The following CUBN variants were observed in gnomAD, a reference collection of about 807,000 sequenced individuals.
CUBN encodes the protein 460 kDa receptor.
A neutral mutation model predicts 405.3 loss-of-function variants in CUBN; 282 were observed. The ratio of observed to expected loss-of-function variants is 0.70; its 90% CI spans 0.63 to 0.77. CUBN has a LOEUF of 0.77. CUBN is among the 30% of genes least tolerant of loss of function. The pLI is 0.00. For synonymous variants in CUBN, 1,684 were observed against 1,617.0 expected (o/e 1.04, Z -0.99); for missense variants, 4,514 against 4,475.2 (o/e 1.01, Z -0.25).
chr10:17,071,481 T>C lies in CUBN; in HGVS notation c.2570A>G (p.Asn857Ser), dbSNP rs1835738071. ...HQPQSQVILL[N>S]FTVFEIGSSA... Reference sequence around the variant, plus strand: ...ACTTCCAATTTCAAAGACAGTGAAGTTGAGGAGAATGACTTGGCTTTGGGG... The same window carrying C: ...ACTTCCAATTTCAAAGACAGTGAAGCTGAGGAGAATGACTTGGCTTTGGGG... The change falls in exon 19 of 67, where the codon AAC becomes AGC. Residue 857 changes from asparagine (N) to serine (S), a missense_variant. By Grantham distance (46) the Asn-to-Ser change is conservative. Around this residue, in one of 5 missense-constraint regions of CUBN, gnomAD observed 1,448 missense variants for 1,388.0 expected, o/e 1.04. Transcript: ENST00000377833. 3 of 1,614,020 alleles carry C rather than the reference T, an allele frequency of 1.9e-6. No homozygotes were observed. The highest frequency in any genetic ancestry group is 2.5e-6 in the Non-Finnish European group (3 of 1,179,944).
At chr10:17,024,084 G>T (rs1242676222) in intron 27 of CUBN, among the ~76,000 whole-genome samples, 1 of 151,752 alleles carries the variant, frequency 6.6e-6, no homozygotes, top group Non-Finnish European at 1.5e-5. Context: ...CTTTGTGCGG[G>T]TTTGATAATT....
At chr10:16,874,241 G>A (rs1840439309) in intron 58 of CUBN, 133 bp downstream of exon 58, 1 of 973,804 alleles carries the variant, frequency 1.0e-6, no homozygotes. Context: ...TGTCATCTAG[G>A]AACATCACTC....
chr10:16,839,529 C>T (rs1171214200), intron 62 of CUBN, among the ~76,000 whole-genome samples: 1 of 129,812 alleles, frequency 7.7e-6, no homozygotes, highest in Non-Finnish European at 1.8e-5. Context: ...CCATCTCACA[C>T]CAGTTAGAAT....
intron 6 of CUBN, among the ~76,000 whole-genome samples, chr10:17,119,406 T>A (rs1468073844): frequency 1.3e-5 from 2 of 152,196 alleles, no homozygotes; most frequent in Admixed American, 6.5e-5. Flanking sequence ...ACGCCTGTAA[T>A]CCCAGCACTT....
chr10:16,870,205 T>G (rs572541629), intron 58 of CUBN, among the ~76,000 whole-genome samples: 1 of 152,356 alleles, frequency 6.6e-6, no homozygotes, highest in East Asian at 1.9e-4. Flanking sequence ...AGCAATACTT[T>G]AGTTTTTTAG....
At chr10:16,943,670 T>C (rs1335912596) in intron 36 of CUBN, among the ~76,000 whole-genome samples, 2 of 152,302 alleles carry the variant, frequency 1.3e-5, no homozygotes, top group Middle Eastern at 3.4e-3. Flanking sequence ...AAGTGCATAA[T>C]CCAGCAACAT....
chr10:17,107,347 G>A (rs1307494715), intron 10 of CUBN, among the ~76,000 whole-genome samples: 1 of 152,094 alleles, frequency 6.6e-6, no homozygotes, highest in Non-Finnish European at 1.5e-5. Flanking sequence ...ATAATACAAG[G>A]AAATCAATGT....
rs565623595 is a variant in CUBN at position 16,950,026 on chromosome 10, G to A, written c.5055C>T (p.Gly1685=). The change falls in exon 34 of 67, where the codon GGC becomes GGT. Residue 1685 remains glycine (G), a synonymous_variant. Transcript: ENST00000377833. ...CTCGGAGGGGCGCGTCTTCGTGGCC[G>A]CCATCCAAAATTTCTACAAAGTCAC... The part of the protein sequence containing the change: ...CARDFVEILD[G]GHEDAPLRGR... The A allele has an allele frequency of 3.5e-5, 57 of 1,613,744 alleles. 1 individual carries two copies. Among genetic ancestry groups the A allele is most frequent in the South Asian group, 3.5e-4 (32 of 91,014 alleles).
intron 54 of CUBN, among the ~76,000 whole-genome samples, chr10:16,896,069 G>A (rs894314625): frequency 6.6e-6 from 1 of 152,104 alleles, no homozygotes; most frequent in Non-Finnish European, 1.5e-5. Flanking sequence ...TGTGATTATA[G>A]TAGTCTACCA....
intron 60 of CUBN, among the ~76,000 whole-genome samples, chr10:16,848,690 C>CTTTTTTTTTTTGTTTTTTTTT (rs1839590624): frequency 1.9e-5 from 1 of 53,338 alleles, no homozygotes; most frequent in African/African-American, 5.9e-5. Context: ...CTCTCCCAGC[C>CTTTTTTTTTTTGTTTTTTTTT]TTTTTTTTTT....
At chr10:16,962,007 C>G (rs913888107) in intron 31 of CUBN, among the ~76,000 whole-genome samples, 1 of 152,128 alleles carries the variant, frequency 6.6e-6, no homozygotes, top group African/African-American at 2.4e-5. Context: ...CCATGGCGCC[C>G]GGCCGGAAAA....
At chr10:17,030,838 G>A (rs990152136) in intron 27 of CUBN, among the ~76,000 whole-genome samples, 5 of 152,070 alleles carry the variant, frequency 3.3e-5, no homozygotes, top group African/African-American at 1.2e-4. Context: ...AGAATCATTG[G>A]AACCCGGGAG....
At chr10:17,070,116 T>C (rs118004446) in intron 19 of CUBN, among the ~76,000 whole-genome samples, 3,134 of 152,268 alleles carry the variant, frequency 0.021, 63 homozygotes, top group South Asian at 0.067. Flanking sequence ...CACCATTTGT[T>C]GAAAAAATGA....
intron 60 of CUBN, 24 bp downstream of exon 60, chr10:16,851,211 G>A: frequency 3.8e-6 from 6 of 1,574,612 alleles, no homozygotes; most frequent in Non-Finnish European, 5.2e-6. Flanking sequence ...AATAGACTCT[G>A]TTAAAAAAAT....
At chr10:16,911,155 G>T (rs1841718881) in intron 48 of CUBN, among the ~76,000 whole-genome samples, 2 of 152,278 alleles carry the variant, frequency 1.3e-5, no homozygotes, top group Middle Eastern at 3.4e-3. Flanking sequence ...GGTGGAGAGG[G>T]TGTGGACGAA....
intron 36 of CUBN, among the ~76,000 whole-genome samples, chr10:16,943,012 C>T (rs1385891799): frequency 6.6e-5 from 10 of 152,192 alleles, no homozygotes; most frequent in Non-Finnish European, 7.4e-5. Context: ...GTATAGTGCT[C>T]CCCTGGGGCT....
intron 14 of CUBN, among the ~76,000 whole-genome samples, chr10:17,097,390 T>C (rs1836398772): frequency 6.6e-6 from 1 of 152,090 alleles, no homozygotes; most frequent in Non-Finnish European, 1.5e-5. Context: ...CTATATTAAA[T>C]ACATTGAATC....
chr10:16,898,746 G>A (rs1202246886), intron 54 of CUBN, among the ~76,000 whole-genome samples: 9 of 152,088 alleles, frequency 5.9e-5, no homozygotes, highest in African/African-American at 1.9e-4. Flanking sequence ...TTTGTGGCAT[G>A]CTTTAAATTT....
intron 60 of CUBN, among the ~76,000 whole-genome samples, chr10:16,844,269 CCAA>C (rs1564381601): frequency 3.0e-5 from 4 of 132,266 alleles, no homozygotes; most frequent in African/African-American, 9.2e-5. Context: ...AACTCTGTCC[CCAA>C]AAAAAAAAAA....
Sources: allele counts gnomAD v4.1 joint callset (sites outside exome capture counted in the v4.1 genomes callset), GRCh38; gene constraint gnomAD v4.1.1; regional missense constraint gnomAD v4.1.1; transcripts MANE v1.5; gene names NCBI Gene and HGNC (gene_info 2026-07-23, HGNC 2026-07-21).